Variants in VAMP1 observed in about 807,000 individuals in gnomAD.
VAMP1 encodes vesicle associated membrane protein 1.
A neutral mutation model predicts 19.1 loss-of-function variants in VAMP1; 16 were observed. That is an observed-to-expected ratio of 0.84 (90% CI 0.57 to 1.27). The LOEUF (loss-of-function observed/expected upper bound fraction) is 1.27. Among genes scored for constraint, VAMP1 ranks in the 50% most tolerant of loss-of-function variants. The pLI is 0.00. For synonymous variants in VAMP1, 37 were observed against 50.2 expected, an observed-to-expected ratio of 0.74 and a Z score of 1.11; for missense variants, 109 against 145.4, an observed-to-expected ratio of 0.75 and a Z score of 1.29.
At position 6,465,127 on chromosome 12, in the gene VAMP1, G is replaced by T. The variant is rs929016519; in HGVS notation, c.289-186C>A. ...TGCTTCCCAGGGGATCATAACCACAGTATGTCTGTAGCTTTTCAGATTCAT... is the reference window on the plus strand; with the variant it reads ...TGCTTCCCAGGGGATCATAACCACATTATGTCTGTAGCTTTTCAGATTCAT... On this transcript the variant is annotated intron_variant, in intron 3 of 4. Transcript: ENST00000396308. The T allele has an allele frequency of 4.6e-5, 35 of 760,230 alleles. 1 individual carries two copies. In the Middle Eastern group the frequency reaches 1.2e-3, roughly 26 times the overall value. 47.1% of individuals were successfully genotyped at this position (760,230 alleles called of 1,614,324 possible). A position where few individuals can be genotyped will look rare whatever the true frequency, so the allele number is the denominator to read the frequency against.
chr12:6,467,581 T>C (rs2137011375), intron 1 of VAMP1, among the ~76,000 whole-genome samples: 1 of 152,322 alleles, frequency 6.6e-6, no homozygotes, highest in East Asian at 1.9e-4. Flanking sequence ...AAAACCATTT[T>C]TTTGAGAAGA....
In VAMP1 at chr12:6,462,268, T is replaced by C. The variant is rs1949890953; in HGVS notation, c.*2202A>G. ...GGTAGGAATTTGTATTTTTTGCCTTTGTTCAGAATACATGACATTGGTAAA... is the reference window on the plus strand; with the variant it reads ...GGTAGGAATTTGTATTTTTTGCCTTCGTTCAGAATACATGACATTGGTAAA... On this transcript the variant is annotated 3_prime_UTR_variant, in exon 5 of 5. Coordinates refer to ENST00000396308, the MANE Select transcript of VAMP1 (RefSeq NM_014231.5). 6 of 799,596 alleles carry C rather than the reference T, an allele frequency of 7.5e-6. No homozygotes were observed. Among genetic ancestry groups the C allele is most frequent in the Non-Finnish European group, 1.2e-5 (6 of 509,040 alleles). The allele number at this position is 799,596 out of a possible 1,614,324, so 49.5% of individuals were successfully genotyped here. A position where few individuals can be genotyped will look rare whatever the true frequency, so the allele number is the denominator to read the frequency against.
At chr12:6,465,186 T>G (rs1190564411) in intron 3 of VAMP1, 2 of 525,890 alleles carry the variant, frequency 3.8e-6, no homozygotes, top group African/African-American at 4.0e-5. Context: ...TTTTGCTTAG[T>G]TCCTGGTGTC....
chr12:6,464,178 T>C lies in VAMP1; in HGVS notation c.*292A>G. On this transcript the variant is annotated 3_prime_UTR_variant, in exon 5 of 5. Coordinates refer to ENST00000396308, the MANE Select transcript of VAMP1 (RefSeq NM_014231.5). ...CCACTCCCCTCCCTGCCCCTTCCCTTGGCCTCCAACTCTTTGGGGCTTTGG... is the reference window on the plus strand; with the variant it reads ...CCACTCCCCTCCCTGCCCCTTCCCTCGGCCTCCAACTCTTTGGGGCTTTGG... 1 of 1,451,808 alleles carries C rather than the reference T, an allele frequency of 6.9e-7. No individual in the cohort carries two copies. The highest frequency in any genetic ancestry group is 9.2e-7 in the Non-Finnish European group (1 of 1,092,660). The allele number at this position is 1,451,808 out of a possible 1,614,324, so 89.9% of individuals were successfully genotyped here.
Position 6,470,645 on chromosome 12 carries a change from C to A in VAMP1, c.-114G>T, listed in dbSNP as rs1165782804. 9 of 1,448,826 alleles carry A rather than the reference C, an allele frequency of 6.2e-6. No homozygotes were observed. Among genetic ancestry groups the A allele is most frequent in the Non-Finnish European group, 7.7e-6 (8 of 1,045,202 alleles). 89.7% of individuals were successfully genotyped at this position (1,448,826 alleles called of 1,614,324 possible). ...ACTGCCAAGCTCCGCCTCGCGCCGA[C>A]TACCCCGCGGTCTAGCTGCGCTGGA... On this transcript the variant is annotated 5_prime_UTR_variant, in exon 1 of 5. Transcript: ENST00000396308.
Position 6,462,658 on chromosome 12 carries a change from A to T in VAMP1, c.*1812T>A, listed in dbSNP as rs1228036768. 3 of 717,750 alleles carry T rather than the reference A, an allele frequency of 4.2e-6. No homozygotes were observed. The highest frequency in any genetic ancestry group is 6.9e-6 in the Non-Finnish European group (3 of 435,882). 44.5% of individuals were successfully genotyped at this position (717,750 alleles called of 1,614,324 possible). A position where few individuals can be genotyped will look rare whatever the true frequency, so the allele number is the denominator to read the frequency against. On this transcript the variant is annotated 3_prime_UTR_variant, in exon 5 of 5. Coordinates refer to ENST00000396308, the MANE Select transcript of VAMP1 (RefSeq NM_014231.5). ...CAGAAACCCAGGAATGATTCCTGTG[A>T]TAGGGCTGGGAGAGCCAAGAGGACG...
Position 6,462,339 on chromosome 12 carries a change from ATACAAG to A in VAMP1, c.*2125_*2130del. The A allele has an allele frequency of 1.8e-6, 1 of 561,716 alleles. No homozygotes were observed. 34.8% of individuals were successfully genotyped at this position (561,716 alleles called of 1,614,324 possible). Reference sequence around the variant, plus strand: ...GAAGTACAACTGTTGTTATTACTCTATACAAGTATGAGATCAGGGTTAGGAAAAAAA... The same window carrying A: ...GAAGTACAACTGTTGTTATTACTCTATATGAGATCAGGGTTAGGAAAAAAA... On this transcript the variant is annotated 3_prime_UTR_variant, in exon 5 of 5. Transcript: ENST00000396308.
At position 6,463,823 on chromosome 12, in the gene VAMP1, A is replaced by AGAGG. The variant is rs1592145042; in HGVS notation, c.*646_*647insCCTC. On this transcript the variant is annotated 3_prime_UTR_variant, in exon 5 of 5. Coordinates refer to ENST00000396308, the MANE Select transcript of VAMP1 (RefSeq NM_014231.5). The surrounding 1 kb of genome is among the most constrained non-coding windows in gnomAD (Gnocchi z 4.0). ...TTTTCACAATCCCTAAGTGTTCTCC[A>AGAGG]GGCCTCTGGAGAACAAAGTAAAGTT... 2 of 1,215,704 alleles carry AGAGG rather than the reference A, an allele frequency of 1.6e-6. No individual in the cohort carries two copies. The highest frequency in any genetic ancestry group is 1.1e-4 in the East Asian group (2 of 17,464). The allele number at this position is 1,215,704 out of a possible 1,614,324, so 75.3% of individuals were successfully genotyped here.
chr12:6,465,239 A>G (rs1357472475), intron 3 of VAMP1: 1 of 460,218 alleles, frequency 2.2e-6, no homozygotes, highest in African/African-American at 2.0e-5. Flanking sequence ...CAGACTCTGG[A>G]TATTTAACCA....
At chr12:6,466,492 G>C in intron 1 of VAMP1, 141 bp from the exon 2 acceptor site, 2 of 831,278 alleles carry the variant, frequency 2.4e-6, no homozygotes, top group Non-Finnish European at 3.6e-6. Context: ...AGGCCAGCCT[G>C]GGCATCATAG....
intron 3 of VAMP1, 143 bp downstream of exon 3, chr12:6,465,699 G>C (rs1188691572): frequency 1.3e-5 from 15 of 1,179,208 alleles, no homozygotes; most frequent in Non-Finnish European, 1.6e-5. Flanking sequence ...TCAAGAGGAG[G>C]CTTTCCAGAT....
chr12:6,464,487 C>T lies in VAMP1; in HGVS notation c.341-1G>A. On this transcript the variant is annotated splice_acceptor_variant, in intron 4 of 4. Transcript: ENST00000396308. LOFTEE classifies it high-confidence loss of function. ...GTACATTCTCAAGTAAAAAAGTAGA[C>T]TGGACACAGGAATCAGGAAGTCCCA... is the stretch of plus-strand genomic sequence containing the variant. 1 of 1,528,916 alleles carries T rather than the reference C, an allele frequency of 6.5e-7. No individual in the cohort carries two copies. The highest frequency in any genetic ancestry group is 2.4e-5 in the East Asian group (1 of 41,264). The allele number at this position is 1,528,916 out of a possible 1,614,324, so 94.7% of individuals were successfully genotyped here.
rs760065469 is a variant in VAMP1 at position 6,463,991 on chromosome 12, C to A, written c.*479G>T. ...CCCCAGGACCCTCTTCAGGCCTGGT[C>A]CAGGAAGGAAAGCTCCACATGACCA... is the stretch of plus-strand genomic sequence containing the variant. On this transcript the variant is annotated 3_prime_UTR_variant, in exon 5 of 5. Transcript: ENST00000396308. This position sits in a 1 kb window ranked among gnomAD's most constrained non-coding sequence, Gnocchi z 4.0. 1.2e-5 allele frequency: 16 copies of A among 1,291,432 alleles called. No individual in the cohort carries two copies. The highest frequency in any genetic ancestry group is 1.6e-5 in the Non-Finnish European group (16 of 990,286). 80.0% of individuals were successfully genotyped at this position (1,291,432 alleles called of 1,614,324 possible). A position where few individuals can be genotyped will look rare whatever the true frequency, so the allele number is the denominator to read the frequency against.
chr12:6,463,083 T>C lies in VAMP1; in HGVS notation c.*1387A>G. On this transcript the variant is annotated 3_prime_UTR_variant, in exon 5 of 5. Transcript: ENST00000396308. The surrounding 1 kb of genome is among the most constrained non-coding windows in gnomAD (Gnocchi z 4.0). ...CTTATCCCACATTAATAGCCCATCCTGAAGCTCAGCAATTGCCCCGAAGAT... is the reference window on the plus strand; with the variant it reads ...CTTATCCCACATTAATAGCCCATCCCGAAGCTCAGCAATTGCCCCGAAGAT... The C allele has an allele frequency of 6.5e-7, 1 of 1,529,890 alleles. No homozygotes were observed. Among genetic ancestry groups the C allele is most frequent in the South Asian group, 1.2e-5 (1 of 83,142 alleles). The allele number at this position is 1,529,890 out of a possible 1,614,324, so 94.8% of individuals were successfully genotyped here.
chr12:6,465,086 A>G (rs1949971373), intron 3 of VAMP1, 145 bp from the exon 4 acceptor site: 5 of 1,205,922 alleles, frequency 4.1e-6, no homozygotes, highest in Non-Finnish European at 5.7e-6. Context: ...GGCCTCTTAG[A>G]GAGGCCCTAC....
chr12:6,463,821 C>G lies in VAMP1; in HGVS notation c.*649G>C, dbSNP rs1372067146. On this transcript the variant is annotated 3_prime_UTR_variant, in exon 5 of 5. Transcript: ENST00000396308. This position sits in a 1 kb window ranked among gnomAD's most constrained non-coding sequence, Gnocchi z 4.0. ...TATTTTCACAATCCCTAAGTGTTCT[C>G]CAGGCCTCTGGAGAACAAAGTAAAG... is the stretch of plus-strand genomic sequence containing the variant. 8.2e-7 allele frequency: 1 copy of G among 1,215,270 alleles called. No individual in the cohort carries two copies. The highest frequency in any genetic ancestry group is 1.6e-5 in the African/African-American group (1 of 63,270). The allele number at this position is 1,215,270 out of a possible 1,614,324, so 75.3% of individuals were successfully genotyped here.
At chr12:6,465,388 A>ATATATATATAAATGTATATATG (rs1491122233) in intron 3 of VAMP1, 1 of 75,522 alleles carries the variant, frequency 1.3e-5, no homozygotes, top group South Asian at 3.8e-4. Context: ...ATATATATGT[A>ATATATATATAAATGTATATATG]TATATATATA....
chr12:6,465,831 A>C lies in VAMP1; in HGVS notation c.288+11T>G, dbSNP rs994269628. On this transcript the variant is annotated intron_variant, in intron 3 of 4. Coordinates refer to ENST00000396308, the MANE Select transcript of VAMP1 (RefSeq NM_014231.5). The stretch of plus-strand genomic sequence containing the variant: ...CCAGGAAAAGATGGAGGAGGGGACA[A>C]GAAAATTCACCTTGCAGTTTTTCCA... 6.2e-7 allele frequency: 1 copy of C among 1,613,670 alleles called. No homozygotes were observed. Among genetic ancestry groups the C allele is most frequent in the Non-Finnish European group, 8.5e-7 (1 of 1,179,804 alleles).
chr12:6,468,063 G>C (rs1299063866), intron 1 of VAMP1, among the ~76,000 whole-genome samples: 2 of 152,240 alleles, frequency 1.3e-5, no homozygotes, highest in East Asian at 3.8e-4. Context: ...GGACATGTGG[G>C]GTTGGAGCCC....
Sources: allele counts gnomAD v4.1 joint callset (sites outside exome capture counted in the v4.1 genomes callset), GRCh38; gene constraint gnomAD v4.1.1; non-coding constraint Gnocchi (gnomAD v3.1); transcripts MANE v1.5; gene names NCBI Gene and HGNC (gene_info 2026-07-23, HGNC 2026-07-21).